The following RABEP1 variants were observed in gnomAD, a reference collection of about 807,000 sequenced individuals.
RABEP1 encodes the protein rabaptin, RAB GTPase binding effector protein 1, also known as rab GTPase-binding effector protein 1.
RABEP1 carries 51 observed loss-of-function variants against 123.4 expected under a neutral mutation model. The ratio of observed to expected loss-of-function variants is 0.41; its 90% confidence interval spans 0.33 to 0.52. The LOEUF (loss-of-function observed/expected upper bound fraction) is 0.52, where lower values mean the gene tolerates loss of function less well. Among genes scored for constraint, RABEP1 ranks in the 20% least tolerant of loss-of-function variants. The pLI, the probability that RABEP1 is intolerant of heterozygous loss-of-function variation, is 0.16. For synonymous variants in RABEP1, 347 were observed against 355.2 expected (o/e 0.98, Z 0.26); for missense variants, 888 against 996.3 (o/e 0.89, Z 1.46).
intron 5 of RABEP1, among the ~76,000 whole-genome samples, chr17:5,340,056 C>T (rs1051178150): frequency 6.6e-6 from 1 of 152,172 alleles, no homozygotes; most frequent in Non-Finnish European, 1.5e-5. Context: ...GAGAAACTGA[C>T]TTTCACAAAT....
At chr17:5,368,251 G>T (rs1910245593) in intron 11 of RABEP1, 119 bp from the exon 12 acceptor site, 3 of 696,698 alleles carry the variant, frequency 4.3e-6, no homozygotes, top group Non-Finnish European at 7.3e-6. Flanking sequence ...ATGATGGTCA[G>T]TGGTTCCCAT....
chr17:5,302,197 A>G (rs1487607321), intron 1 of RABEP1, among the ~76,000 whole-genome samples: 1 of 151,822 alleles, frequency 6.6e-6, no homozygotes, highest in Non-Finnish European at 1.5e-5. Context: ...TGGAGAGCAG[A>G]ACCAAAATCT....
chr17:5,285,970 G>T (rs1221977169), intron 1 of RABEP1, among the ~76,000 whole-genome samples: 1 of 152,168 alleles, frequency 6.6e-6, no homozygotes, highest in Non-Finnish European at 1.5e-5. Flanking sequence ...TGTTGTAATG[G>T]ATGTCCTTGT....
intron 6 of RABEP1, among the ~76,000 whole-genome samples, chr17:5,348,231 A>G (rs1482260974): frequency 6.6e-6 from 1 of 152,222 alleles, no homozygotes; most frequent in African/African-American, 2.4e-5. Flanking sequence ...CATCCGCCTC[A>G]GCCTCCCAAA....
chr17:5,287,350 G>A (rs1339619375), intron 1 of RABEP1, among the ~76,000 whole-genome samples: 1 of 152,028 alleles, frequency 6.6e-6, no homozygotes, highest in Non-Finnish European at 1.5e-5. Flanking sequence ...TGTAATCCCA[G>A]CACTTTGGGA....
Position 5,384,654 on chromosome 17 carries a change from A to T in RABEP1, c.*1431A>T, listed in dbSNP as rs1253642734. On this transcript the variant is annotated 3_prime_UTR_variant, in exon 18 of 18. Transcript: ENST00000537505. The stretch of plus-strand genomic sequence containing the variant: ...TTCCATAGGACAAATGATAAGTACT[A>T]CATACCTCATCTCTTGGGTTATTAT... 1 of 213,516 alleles carries T rather than the reference A, an allele frequency of 4.7e-6. No homozygotes were observed. The highest frequency in any genetic ancestry group is 9.4e-6 in the Non-Finnish European group (1 of 105,946). 13.2% of individuals were successfully genotyped at this position (213,516 alleles called of 1,614,324 possible).
intron 6 of RABEP1, 141 bp downstream of exon 6, chr17:5,347,066 T>A: frequency 1.4e-6 from 1 of 697,578 alleles, no homozygotes; most frequent in Non-Finnish European, 2.1e-6. Context: ...GGTTTAAATG[T>A]ACTCATGCAA....
intron 2 of RABEP1, among the ~76,000 whole-genome samples, chr17:5,319,341 A>C (rs939561699): frequency 1.0e-4 from 11 of 108,602 alleles, no homozygotes; most frequent in East Asian, 6.5e-4. Context: ...AAAAAAAAAA[A>C]CAAAAAAACA....
intron 2 of RABEP1, among the ~76,000 whole-genome samples, chr17:5,315,258 C>T (rs926516403): frequency 1.3e-5 from 2 of 151,994 alleles, no homozygotes; most frequent in African/African-American, 2.4e-5. Context: ...TGTAAACAAA[C>T]GATTAGAAAT....
At chr17:5,312,081 C>A (rs1206514119) in intron 2 of RABEP1, among the ~76,000 whole-genome samples, 1 of 152,168 alleles carries the variant, frequency 6.6e-6, no homozygotes, top group African/African-American at 2.4e-5. Context: ...GACTTGCGTC[C>A]ACCTGACTTG....
chr17:5,357,622 C>T (rs1016821307), intron 8 of RABEP1, among the ~76,000 whole-genome samples: 12 of 152,174 alleles, frequency 7.9e-5, no homozygotes, highest in East Asian at 1.9e-4. Context: ...TTGCCCACCT[C>T]GGCCTCCCAA....
intron 2 of RABEP1, among the ~76,000 whole-genome samples, chr17:5,309,829 G>A (rs1277243269): frequency 1.3e-5 from 2 of 152,088 alleles, no homozygotes; most frequent in Non-Finnish European, 2.9e-5. Flanking sequence ...TGTGATTGTG[G>A]AACAGCATCA....
intron 1 of RABEP1, among the ~76,000 whole-genome samples, chr17:5,303,521 C>T (rs2075154373): frequency 6.6e-6 from 1 of 152,112 alleles, no homozygotes; most frequent in Non-Finnish European, 1.5e-5. Context: ...GGATTACAGG[C>T]ATGAGCCACT....
At chr17:5,324,845 A>G (rs1273495343) in intron 2 of RABEP1, among the ~76,000 whole-genome samples, 1 of 152,230 alleles carries the variant, frequency 6.6e-6, no homozygotes, top group Non-Finnish European at 1.5e-5. Context: ...CTACAATGGG[A>G]TATCCTGTCA....
In RABEP1 at chr17:5,380,434, A is replaced by G; in HGVS notation, c.2342A>G (p.Glu781Gly). The G allele has an allele frequency of 6.4e-7, 1 of 1,562,118 alleles. No homozygotes were observed. Among genetic ancestry groups the G allele is most frequent in the Non-Finnish European group, 8.7e-7 (1 of 1,150,836 alleles). ...CAGGAAATAAAGATCAGTTTGGAAG[A>G]GCAGTTAAAGAAAGAGACTGCTGCT... Reference protein sequence around the residue: ...SLQEIKISLEEQLKKETAAKA... With the variant: ...SLQEIKISLEGQLKKETAAKA... Residue 781 changes from glutamate to glycine, a missense_variant, in exon 16 of 18, where the codon GAG (glutamate) becomes GGG (glycine). By Grantham distance (98) the Glu-to-Gly change is moderately conservative. Coordinates refer to ENST00000537505, the MANE Select transcript of RABEP1 (RefSeq NM_004703.6).
At chr17:5,323,190 G>A (rs1211976555) in intron 2 of RABEP1, among the ~76,000 whole-genome samples, 2 of 152,162 alleles carry the variant, frequency 1.3e-5, no homozygotes, top group African/African-American at 4.8e-5. Context: ...CAAATTGTGT[G>A]TCGAAGGAAC....
rs1909488729 is a variant in RABEP1 at position 5,361,120 on chromosome 17, A to AT, written c.1096-87dup. On this transcript the variant is annotated intron_variant, in intron 8 of 17. Transcript: ENST00000537505. ...AGCACATTAATGATTATCATGTGTA[A>AT]TGAGTGGCGGAATACATTTATTATA... The AT allele has an allele frequency of 5.4e-6, 6 of 1,110,816 alleles. No individual in the cohort carries two copies. In the African/African-American group the frequency reaches 7.8e-5, roughly 14 times the overall value. 68.8% of individuals were successfully genotyped at this position (1,110,816 alleles called of 1,614,324 possible). A position where few individuals can be genotyped will look rare whatever the true frequency, so the allele number is the denominator to read the frequency against.
At chr17:5,327,862 C>T (rs1483165253) in intron 2 of RABEP1, among the ~76,000 whole-genome samples, 2 of 152,100 alleles carry the variant, frequency 1.3e-5, no homozygotes, top group African/African-American at 4.8e-5. Flanking sequence ...ATGGGACCCT[C>T]ACAAATGTGA....
intron 5 of RABEP1, among the ~76,000 whole-genome samples, chr17:5,340,120 GTAGAGCTA>G (rs1300160222): frequency 6.6e-6 from 1 of 152,158 alleles, no homozygotes; most frequent in Non-Finnish European, 1.5e-5. Context: ...AAAATTATTA[GTAGAGCTA>G]TAGACATTTT....
Sources: allele counts gnomAD v4.1 joint callset (sites outside exome capture counted in the v4.1 genomes callset), GRCh38; gene constraint gnomAD v4.1.1; transcripts MANE v1.5; gene names NCBI Gene and HGNC (gene_info 2026-07-23, HGNC 2026-07-21).